Variants in SDK2 observed in about 807,000 individuals in gnomAD.
SDK2 encodes the protein sidekick cell adhesion molecule 2.
Under a neutral mutation model 253.9 loss-of-function variants are expected in SDK2, and 105 were observed. The observed-to-expected ratio is 0.41, with a 90% confidence interval of 0.35 to 0.49. The LOEUF (loss-of-function observed/expected upper bound fraction) is 0.49, where lower values mean the gene tolerates loss of function less well. Ranked by LOEUF, SDK2 falls within the 20% of genes least tolerant of loss-of-function variation. The pLI is 0.06. For synonymous variants in SDK2, 1,249 were observed against 1,234.9 expected, an observed-to-expected ratio of 1.01 and a Z score of -0.24; for missense variants, 2,608 against 3,003.0, an observed-to-expected ratio of 0.87 and a Z score of 3.07.
intron 1 of SDK2, among the ~76,000 whole-genome samples, chr17:73,549,698 G>A (rs924754045): frequency 5.9e-5 from 9 of 152,238 alleles, no homozygotes; most frequent in Admixed American, 2.0e-4. Flanking sequence ...ACAGCAACCC[G>A]GTCAGACAGA....
At chr17:73,386,035 C>T in intron 31 of SDK2, 118 bp from the exon 32 acceptor site, 1 of 690,110 alleles carries the variant, frequency 1.4e-6, no homozygotes, top group South Asian at 1.9e-5. Context: ...TCGCATCGCC[C>T]TCCATGCCTG....
In SDK2 at chr17:73,386,658, G is replaced by A. The variant is rs769951295; in HGVS notation, c.4395-110C>T. 6.7e-4 allele frequency: 493 copies of A among 741,068 alleles called. 9 individuals carry two copies. Among genetic ancestry groups the A allele is most frequent in the Non-Finnish European group, 9.6e-5 (41 of 428,778 alleles). The allele number at this position is 741,068 out of a possible 1,614,324, so 45.9% of individuals were successfully genotyped here. On this transcript the variant is annotated intron_variant, in intron 30 of 44. Transcript: ENST00000392650. ...GGCCCTGCTCGGGAAAGGGGGCAGG[G>A]TGCCAGCCTACTACACAGAAGGGCA... is the stretch of plus-strand genomic sequence containing the variant.
intron 44 of SDK2, among the ~76,000 whole-genome samples, chr17:73,345,615 A>G (rs2062476459): frequency 6.6e-6 from 1 of 152,014 alleles, no homozygotes; most frequent in South Asian, 2.1e-4. Context: ...CAAACCCATC[A>G]CTTACTCCTC....
intron 1 of SDK2, among the ~76,000 whole-genome samples, chr17:73,555,167 G>T (rs1392981636): frequency 6.6e-6 from 1 of 152,220 alleles, no homozygotes; most frequent in Non-Finnish European, 1.5e-5. Flanking sequence ...GCCCTGGGAG[G>T]CTATGAATTG....
intron 1 of SDK2, among the ~76,000 whole-genome samples, chr17:73,641,471 C>T (rs1447854184): frequency 6.6e-6 from 1 of 152,182 alleles, no homozygotes; most frequent in Non-Finnish European, 1.5e-5. Context: ...TACAACCTCA[C>T]TGCACTTTGC....
rs1226068652 is a variant in SDK2 at position 73,507,498 on chromosome 17, G to A, written c.164C>T (p.Pro55Leu). ...VLTCMAEGSW[P>L]LEFKWLHNNR... ...GTTGTGGAGCCACTTGAACTCCAGT[G>A]GCCAGCTGCCCTCGGCCATGCATGT... The change falls in exon 2 of 45, where the codon CCA becomes CTA. Residue 55 changes from proline (P) to leucine (L), a missense_variant. Transcript: ENST00000392650. The A allele has an allele frequency of 5.8e-6, 9 of 1,551,440 alleles. No homozygotes were observed. The highest frequency in any genetic ancestry group is 2.0e-5 in the Admixed American group (1 of 50,988).
intron 1 of SDK2, among the ~76,000 whole-genome samples, chr17:73,555,553 G>A (rs529246152): frequency 6.6e-6 from 1 of 152,310 alleles, no homozygotes; most frequent in African/African-American, 2.4e-5. Context: ...AGGGGACTTG[G>A]AGGTCACTAT....
intron 9 of SDK2, 34 bp from the exon 10 acceptor site, chr17:73,433,882 C>T: frequency 1.4e-6 from 2 of 1,413,828 alleles, no homozygotes; most frequent in Non-Finnish European, 1.9e-6. Context: ...TTTAGCCACA[C>T]CCTGGGAGAT....
intron 3 of SDK2, among the ~76,000 whole-genome samples, chr17:73,469,992 G>GTACA (rs1555585113): frequency 7.9e-6 from 1 of 126,184 alleles, no homozygotes; most frequent in Admixed American, 7.8e-5. Flanking sequence ...GCGCGCGCGC[G>GTACA]CACACACACA....
chr17:73,437,795 T>C lies in SDK2; in HGVS notation c.944A>G (p.Glu315Gly), dbSNP rs1270730067. 2 of 1,614,042 alleles carry C rather than the reference T, an allele frequency of 1.2e-6. No homozygotes were observed. The highest frequency in any genetic ancestry group is 1.7e-6 in the Non-Finnish European group (2 of 1,179,904). The part of the protein sequence containing the change: ...LEPPQFVKEP[E>G]RHITAEMEKV... The stretch of plus-strand genomic sequence containing the variant: ...CTCCATCTCCGCAGTGATGTGTCTT[T>C]CTGGCTCCTTGACAAACTGAGGCGG... The change falls in exon 8 of 45, where the codon GAA (glutamate) becomes GGA (glycine). Residue 315 changes from glutamate to glycine, a missense_variant. Glu to Gly is a moderately conservative substitution (Grantham distance 98). Transcript: ENST00000392650.
rs930906187 is a variant in SDK2 at position 73,455,249 on chromosome 17, C to T, written c.479+657G>A. Among the ~76,000 whole-genome samples, 12 of 152,010 alleles carry T rather than the reference C, an allele frequency of 7.9e-5. No homozygotes were observed. Among genetic ancestry groups the T allele is most frequent in the African/African-American group, 2.7e-4 (11 of 41,502 alleles). ...CAGACCCGGGGGTGGCTCAGGAGGG[C>T]GGGGAGACGGGTGTATCTCGGGAGG... On this transcript the variant is annotated intron_variant, in intron 4 of 44. Coordinates refer to ENST00000392650, the MANE Select transcript of SDK2 (RefSeq NM_001144952.2). The surrounding 1 kb of genome is among the most constrained non-coding windows in gnomAD (Gnocchi z 5.0).
intron 44 of SDK2, among the ~76,000 whole-genome samples, chr17:73,345,895 A>G (rs2062478727): frequency 6.6e-6 from 1 of 152,164 alleles, no homozygotes; most frequent in Non-Finnish European, 1.5e-5. Flanking sequence ...AAATCGGTGC[A>G]TAATAAATAG....
intron 1 of SDK2, among the ~76,000 whole-genome samples, chr17:73,614,176 C>T (rs1211903726): frequency 6.6e-6 from 1 of 152,086 alleles, no homozygotes; most frequent in African/African-American, 2.4e-5. Flanking sequence ...TGCCAGGGCC[C>T]TTGCAGCCTC....
At position 73,350,254 on chromosome 17, in the gene SDK2, C is replaced by A. The variant is rs777149158; in HGVS notation, c.6021G>T (p.Lys2007Asn). Residue 2007 changes from lysine to asparagine, a missense_variant, in exon 43 of 45, where the codon AAG becomes AAT. Transcript: ENST00000392650. ...RLSVKNSFCR[K>N]NGLYTRSPPR... ...CCCAGTACCTGGTGTACAGGCCGTT[C>A]TTTCGGCAGAAAGAGTTCTTGACGG... 9 of 1,351,382 alleles carry A rather than the reference C, an allele frequency of 6.7e-6. No individual in the cohort carries two copies. Among genetic ancestry groups the A allele is most frequent in the Non-Finnish European group, 8.7e-6 (9 of 1,032,400 alleles). The allele number at this position is 1,351,382 out of a possible 1,614,324, so 83.7% of individuals were successfully genotyped here.
intron 16 of SDK2, among the ~76,000 whole-genome samples, chr17:73,417,168 C>A (rs1323458800): frequency 6.6e-6 from 1 of 151,192 alleles, no homozygotes. Flanking sequence ...CTTTGGGAGG[C>A]CCAGGCAGGT....
intron 36 of SDK2, among the ~76,000 whole-genome samples, chr17:73,375,539 GC>G (rs1330595851): frequency 6.6e-6 from 1 of 150,938 alleles, no homozygotes; most frequent in African/African-American, 2.4e-5. Flanking sequence ...GAGCCACTGA[GC>G]CCAGCCCTTA....
chr17:73,533,350 G>T (rs1457460286), intron 1 of SDK2, among the ~76,000 whole-genome samples: 2 of 152,234 alleles, frequency 1.3e-5, no homozygotes, highest in African/African-American at 4.8e-5. Flanking sequence ...GCAGGCTGCC[G>T]AGCCTGGAGG....
chr17:73,621,872 T>C (rs2046137286), intron 1 of SDK2, among the ~76,000 whole-genome samples: 1 of 152,156 alleles, frequency 6.6e-6, no homozygotes, highest in South Asian at 2.1e-4. Context: ...GCTAAAAGTT[T>C]GAAGAAATAA....
intron 36 of SDK2, among the ~76,000 whole-genome samples, chr17:73,370,823 G>C (rs1252291014): frequency 6.6e-6 from 1 of 152,040 alleles, no homozygotes; most frequent in Non-Finnish European, 1.5e-5. Flanking sequence ...TAGCACTTGG[G>C]AAGCTGAGAG....
Sources: gnomAD v4.1 joint callset for allele counts (sites outside exome capture counted in the v4.1 genomes callset) on GRCh38, gnomAD v4.1.1 for gene constraint, Gnocchi (gnomAD v3.1) non-coding constraint, MANE v1.5 for transcripts, NCBI Gene and HGNC (gene_info 2026-07-23, HGNC 2026-07-21) for gene names.